The following TFCP2L1 variants were observed in gnomAD, a reference collection of about 807,000 sequenced individuals.
The protein encoded by TFCP2L1 is transcription factor CP2 like 1, also known as transcription factor CP2-like protein 1.
TFCP2L1 carries 12 observed loss-of-function variants against 72.2 expected under a neutral mutation model. That is an observed-to-expected ratio of 0.17 (90% CI 0.11 to 0.27). TFCP2L1 has a LOEUF of 0.27. TFCP2L1 is among the 10% of genes least tolerant of loss of function. The pLI, the probability that TFCP2L1 is intolerant of heterozygous loss-of-function variation, is 1.00. For synonymous variants in TFCP2L1, 260 were observed against 251.0 expected, an observed-to-expected ratio of 1.04 and a Z score of -0.34; for missense variants, 488 against 624.6, an observed-to-expected ratio of 0.78 and a Z score of 2.33.
chr2:121,246,735 G>A (rs1371323545), intron 6 of TFCP2L1, 83 bp downstream of exon 6: 1 of 1,567,006 alleles, frequency 6.4e-7, no homozygotes, highest in Non-Finnish European at 8.7e-7. Context: ...CCTGTAAGAG[G>A]AAACTCCAGG....
chr2:121,263,540 C>T (rs1425797712), intron 2 of TFCP2L1, among the ~76,000 whole-genome samples: 2 of 146,746 alleles, frequency 1.4e-5, no homozygotes, highest in African/African-American at 2.5e-5. Context: ...GTAACAGTTA[C>T]GAGAAATCAG....
chr2:121,269,918 A>AAAAAATAT, intron 2 of TFCP2L1, among the ~76,000 whole-genome samples: 7 of 115,134 alleles, frequency 6.1e-5, no homozygotes, highest in African/African-American at 2.6e-4. Flanking sequence ...AAAAAAAAAA[A>AAAAAATAT]ATATATATAT....
chr2:121,247,740 G>A (rs1249147854), intron 5 of TFCP2L1, among the ~76,000 whole-genome samples: 5 of 152,040 alleles, frequency 3.3e-5, no homozygotes, highest in Non-Finnish European at 7.4e-5. Context: ...AGCCAGAACC[G>A]CAACCACAAT....
intron 12 of TFCP2L1, 35 bp from the exon 13 acceptor site, chr2:121,232,003 T>C (rs1358447787): frequency 3.9e-6 from 6 of 1,546,386 alleles, no homozygotes; most frequent in Non-Finnish European, 8.8e-7. Flanking sequence ...GCTTTCCAAG[T>C]GGCCATTCTG....
In TFCP2L1 at chr2:121,220,070, TGACAACAGCCTAAGAG is replaced by T. The variant is rs1220836673; in HGVS notation, c.*4255_*4270del. The stretch of plus-strand genomic sequence containing the variant: ...TAGGGACTTTCTCCCTCTGCTCCAC[TGACAACAGCCTAAGAG>T]GCTTTTCCGTTTATTTCATCGACTT... On this transcript the variant is annotated 3_prime_UTR_variant, in exon 15 of 15. Transcript: ENST00000263707. 6 of 139,666 alleles carry T rather than the reference TGACAACAGCCTAAGAG, an allele frequency of 4.3e-5. No homozygotes were observed. Among genetic ancestry groups the T allele is most frequent in the Admixed American group, 1.6e-4 (2 of 12,826 alleles). The allele number at this position is 139,666 out of a possible 1,614,324, so 8.7% of individuals were successfully genotyped here. A position where few individuals can be genotyped will look rare whatever the true frequency, so the allele number is the denominator to read the frequency against.
chr2:121,222,495 C>T lies in TFCP2L1; in HGVS notation c.*1846G>A, dbSNP rs1486765193. On this transcript the variant is annotated 3_prime_UTR_variant, in exon 15 of 15. Transcript: ENST00000263707. ...ACAAAAGAATGAAGTACTGATACAT[C>T]CTCAACTTGGACGGCCCTAGAAAAC... 6.6e-6 allele frequency: 1 copy of T among 152,174 alleles called. No homozygotes were observed. Among genetic ancestry groups the T allele is most frequent in the Non-Finnish European group, 1.5e-5 (1 of 68,038 alleles). 9.4% of individuals were successfully genotyped at this position (152,174 alleles called of 1,614,324 possible).
chr2:121,281,133 G>A lies in TFCP2L1; in HGVS notation c.201C>T (p.Thr67=). 6.2e-7 allele frequency: 1 copy of A among 1,614,042 alleles called. No individual in the cohort carries two copies. The highest frequency in any genetic ancestry group is 8.5e-7 in the Non-Finnish European group (1 of 1,180,044). The change falls in exon 2 of 15, where the codon ACC becomes ACT. Residue 67 remains threonine (T), a synonymous_variant. Coordinates refer to ENST00000263707, the MANE Select transcript of TFCP2L1 (RefSeq NM_014553.3). The part of the protein sequence containing the change: ...PAVKLHEETL[T]YLNQGQSYEI... ...TCTGGCCACTACCTTGGTTGAGGTA[G>A]GTCAGCGTCTCTTCATGCAGCTTCA...
intron 2 of TFCP2L1, among the ~76,000 whole-genome samples, chr2:121,268,044 C>T (rs191768840): frequency 1.3e-5 from 2 of 152,276 alleles, no homozygotes; most frequent in Admixed American, 1.3e-4. Context: ...CCCAGGAATT[C>T]AAGACTGCAG....
At chr2:121,256,150 T>C (rs1686715896) in intron 2 of TFCP2L1, among the ~76,000 whole-genome samples, 2 of 152,216 alleles carry the variant, frequency 1.3e-5, no homozygotes, top group Non-Finnish European at 2.9e-5. Context: ...CTCAGCTCTC[T>C]GAACCAAGAT....
At chr2:121,274,285 C>T (rs1252129198) in intron 2 of TFCP2L1, among the ~76,000 whole-genome samples, 1 of 151,998 alleles carries the variant, frequency 6.6e-6, no homozygotes, top group Non-Finnish European at 1.5e-5. Context: ...ACTCTCAAGG[C>T]ACTCAGCTTA....
At chr2:121,282,010 A>G (rs1975379) in intron 1 of TFCP2L1, among the ~76,000 whole-genome samples, 86,894 of 149,874 alleles carry the variant, frequency 0.58, 27,202 homozygotes, top group African/African-American at 0.83. Flanking sequence ...TCGGCTCACT[A>G]CAACCTCCAC....
At chr2:121,229,434 C>A (rs13423042) in intron 13 of TFCP2L1, among the ~76,000 whole-genome samples, 3,005 of 152,274 alleles carry the variant, frequency 0.02, 114 homozygotes, top group African/African-American at 0.067. Flanking sequence ...AGACAGGGAA[C>A]ATCCATCTTG....
chr2:121,253,731 G>A (rs1004995753), intron 2 of TFCP2L1, among the ~76,000 whole-genome samples: 1 of 152,196 alleles, frequency 6.6e-6, no homozygotes, highest in Non-Finnish European at 1.5e-5. Flanking sequence ...ATTGAGTGAG[G>A]CGTTAGGCCC....
At chr2:121,256,372 C>T (rs1044932377) in intron 2 of TFCP2L1, among the ~76,000 whole-genome samples, 14 of 149,790 alleles carry the variant, frequency 9.3e-5, no homozygotes, top group African/African-American at 2.9e-4. Flanking sequence ...TATTTGGAAA[C>T]TTGATACACG....
chr2:121,236,413 T>C (rs1035507444), intron 10 of TFCP2L1, among the ~76,000 whole-genome samples: 9 of 152,092 alleles, frequency 5.9e-5, no homozygotes, highest in Non-Finnish European at 1.2e-4. Flanking sequence ...GACCGTCTCA[T>C]GGGGACAGAA....
In TFCP2L1 at chr2:121,223,349, T is replaced by C. The variant is rs1296500051; in HGVS notation, c.*992A>G. On this transcript the variant is annotated 3_prime_UTR_variant, in exon 15 of 15. Transcript: ENST00000263707. ...GGCAAAATATCCTAAACATAGCCTCTACAAACAAAGATAAACATGTAAGTG... is the reference window on the plus strand; with the variant it reads ...GGCAAAATATCCTAAACATAGCCTCCACAAACAAAGATAAACATGTAAGTG... The C allele has an allele frequency of 1.3e-5, 2 of 152,172 alleles. No homozygotes were observed. The highest frequency in any genetic ancestry group is 2.9e-5 in the Non-Finnish European group (2 of 68,026). 9.4% of individuals were successfully genotyped at this position (152,172 alleles called of 1,614,324 possible).
At position 121,273,293 on chromosome 2, in the gene TFCP2L1, C is replaced by T. The variant is rs559392896; in HGVS notation, c.214+7827G>A. 2.6e-5 allele frequency among the ~76,000 whole-genome samples: 4 copies of T among 152,262 alleles called. 1 individual carries two copies. The South Asian group carries it at 8.3e-4, about 32-fold the overall frequency. On this transcript the variant is annotated intron_variant, in intron 2 of 14. Transcript: ENST00000263707. ...TGGGGTTCTCTCTTCTCTGCTCTCC[C>T]GGACTCCTCCTCCTCCACATCCCTT...
chr2:121,281,318 T>G lies in TFCP2L1; in HGVS notation c.63-47A>C, dbSNP rs763754010. On this transcript the variant is annotated intron_variant, in intron 1 of 14. Coordinates refer to ENST00000263707, the MANE Select transcript of TFCP2L1 (RefSeq NM_014553.3). ...GGTCAGGAGCAGAGCCCCAGGGGGCTCCTGCACAGAGCCAGGGCGAAGCTA... is the reference window on the plus strand; with the variant it reads ...GGTCAGGAGCAGAGCCCCAGGGGGCGCCTGCACAGAGCCAGGGCGAAGCTA... 1.4e-5 allele frequency: 21 copies of G among 1,537,788 alleles called. No individual in the cohort carries two copies. In the South Asian group the frequency reaches 2.7e-4, roughly 20 times the overall value.
In TFCP2L1 at chr2:121,285,031, C is replaced by CCGCG; in HGVS notation, c.62+13_62+16dup. 2.7e-6 allele frequency: 4 copies of CCGCG among 1,481,058 alleles called. No individual in the cohort carries two copies. Among genetic ancestry groups the CCGCG allele is most frequent in the Non-Finnish European group, 3.6e-6 (4 of 1,114,272 alleles). The allele number at this position is 1,481,058 out of a possible 1,614,324, so 91.7% of individuals were successfully genotyped here. A position where few individuals can be genotyped will look rare whatever the true frequency, so the allele number is the denominator to read the frequency against. ...CGGCCCGGCCCGAGACCCGCGGGGA[C>CCGCG]CGCGCGCGGCCCTTACCGCAGGTAG... On this transcript the variant is annotated intron_variant, in intron 1 of 14. Coordinates refer to ENST00000263707, the MANE Select transcript of TFCP2L1 (RefSeq NM_014553.3).
Sources: gnomAD v4.1 joint callset for allele counts (sites outside exome capture counted in the v4.1 genomes callset) on GRCh38, gnomAD v4.1.1 for gene constraint, MANE v1.5 for transcripts, NCBI Gene and HGNC (gene_info 2026-07-23, HGNC 2026-07-21) for gene names.